The following SIPA1L2 variants were observed in gnomAD, a reference collection of about 807,000 sequenced individuals.
The protein encoded by SIPA1L2 is signal-induced proliferation-associated 1-like protein 2.
In SIPA1L2, 56 loss-of-function variants were observed where a neutral mutation model predicts 163.9. The ratio of observed to expected loss-of-function variants is 0.34; its 90% CI spans 0.28 to 0.43. SIPA1L2 has a LOEUF of 0.43. Among genes scored for constraint, SIPA1L2 ranks in the 20% least tolerant of loss-of-function variants. SIPA1L2 has a pLI of 1.00. For missense variants in SIPA1L2, 1,974 were observed against 2,193.5 expected, an observed-to-expected ratio of 0.90 and a Z score of 2.00; for synonymous variants, 877 against 865.7, an observed-to-expected ratio of 1.01 and a Z score of -0.23.
At chr1:232,403,768 C>T (rs1400632747) in intron 20 of SIPA1L2, among the ~76,000 whole-genome samples, 197 bp from the exon 21 acceptor site, 1 of 152,204 alleles carries the variant, frequency 6.6e-6, no homozygotes, top group African/African-American at 2.4e-5. Flanking sequence ...TGGCTGTCCT[C>T]CTACTGGGCT....
At chr1:232,462,127 G>A in intron 9 of SIPA1L2, 1 of 1,119,016 alleles carries the variant, frequency 8.9e-7, no homozygotes, top group African/African-American at 1.6e-5. Flanking sequence ...CATGAAAGAA[G>A]AATGGTGGAT....
At chr1:232,402,116 G>A (rs1363108380) in intron 22 of SIPA1L2, among the ~76,000 whole-genome samples, 3 of 152,076 alleles carry the variant, frequency 2.0e-5, no homozygotes, top group Non-Finnish European at 2.9e-5. Flanking sequence ...AAAAATGCTG[G>A]CCCACCATGC....
At position 232,514,210 on chromosome 1, in the gene SIPA1L2, C is replaced by G; in HGVS notation, c.1130G>C (p.Cys377Ser). 3 of 1,614,246 alleles carry G rather than the reference C, an allele frequency of 1.9e-6. No individual in the cohort carries two copies. The highest frequency in any genetic ancestry group is 2.5e-6 in the Non-Finnish European group (3 of 1,180,042). ...CTCCTTGCTCCCTAAAGGGGACTCA[C>G]AGTTGCCTGTCTGGCCCGTAGGCAT... is the stretch of plus-strand genomic sequence containing the variant. ...TQMPTGQTGN[C>S]ESPLGSKEDL... The change falls in exon 3 of 23, where the codon TGT becomes TCT. Residue 377 changes from cysteine to serine, a missense_variant. Physicochemically the swap from Cys to Ser is moderately radical, Grantham distance 112. This residue lies in a region of SIPA1L2 where 607 missense variants were observed against 624.0 expected (regional missense o/e 0.97). Coordinates refer to ENST00000674635, the MANE Select transcript of SIPA1L2 (RefSeq NM_020808.5).
At chr1:232,476,109 A>C (rs1446215300) in intron 7 of SIPA1L2, among the ~76,000 whole-genome samples, 1 of 152,212 alleles carries the variant, frequency 6.6e-6, no homozygotes, top group Non-Finnish European at 1.5e-5. Flanking sequence ...TATTTACATG[A>C]GTCCTTAGCA....
chr1:232,579,322 G>A (rs1660244069), intron 1 of SIPA1L2, among the ~76,000 whole-genome samples: 1 of 152,072 alleles, frequency 6.6e-6, no homozygotes, highest in Non-Finnish European at 1.5e-5. Context: ...GTTTTTGTTT[G>A]TGTTTGTTTT....
chr1:232,464,181 T>C (rs965365526), intron 9 of SIPA1L2, among the ~76,000 whole-genome samples: 1 of 152,224 alleles, frequency 6.6e-6, no homozygotes, highest in African/African-American at 2.4e-5. Flanking sequence ...TTATTTTATA[T>C]GCTCAAACTA....
chr1:232,403,400 A>C, intron 21 of SIPA1L2, 48 bp downstream of exon 21: 1 of 1,590,720 alleles, frequency 6.3e-7, no homozygotes, highest in Non-Finnish European at 8.6e-7. Context: ...ATCTTGGCTA[A>C]TCATGCCTGG....
intron 1 of SIPA1L2, among the ~76,000 whole-genome samples, chr1:232,597,406 G>A (rs570842830): frequency 3.6e-4 from 55 of 151,990 alleles, no homozygotes; most frequent in African/African-American, 1.1e-3. Flanking sequence ...GGCCGGGCGC[G>A]GTGGCTCACA....
intron 2 of SIPA1L2, among the ~76,000 whole-genome samples, chr1:232,557,050 A>T (rs558475853): frequency 6.6e-6 from 1 of 152,288 alleles, no homozygotes; most frequent in African/African-American, 2.4e-5. Context: ...GCAAAAGAGG[A>T]TTAACAAAAA....
chr1:232,408,133 A>G (rs1277165158), intron 19 of SIPA1L2, among the ~76,000 whole-genome samples: 2 of 152,296 alleles, frequency 1.3e-5, no homozygotes, highest in African/African-American at 2.4e-5. Context: ...GACATGTAAG[A>G]AGGACATGTT....
chr1:232,526,567 C>T (rs1225798483), intron 2 of SIPA1L2, among the ~76,000 whole-genome samples: 2 of 152,194 alleles, frequency 1.3e-5, no homozygotes, highest in African/African-American at 4.8e-5. Flanking sequence ...GGCAGTAATG[C>T]TCGCCTGCTG....
chr1:232,419,375 T>C (rs74591364), intron 18 of SIPA1L2, among the ~76,000 whole-genome samples: 1,682 of 152,300 alleles, frequency 0.011, 26 homozygotes, highest in African/African-American at 0.038. Context: ...ATTCTGTTTT[T>C]GTTTTTGTTT....
rs756073297 is a variant in SIPA1L2, at chr1:232,432,507, C to G, written c.4032-36G>C. ...AAACAGACAAAAGCTGCAATACAAT[C>G]TGATTTCAGCAGTGCTGGCACACGG... is the stretch of plus-strand genomic sequence containing the variant. On this transcript the variant is annotated intron_variant, in intron 15 of 22. Transcript: ENST00000674635. 3.2e-6 allele frequency: 5 copies of G among 1,580,674 alleles called. No individual in the cohort carries two copies. The African/African-American group carries it at 6.7e-5, about 21-fold the overall frequency.
At chr1:232,569,049 C>T (rs895549699) in intron 2 of SIPA1L2, among the ~76,000 whole-genome samples, 27 of 152,180 alleles carry the variant, frequency 1.8e-4, no homozygotes, top group African/African-American at 6.3e-4. Flanking sequence ...AGAAATTATT[C>T]GGTAAATATT....
rs1345857033 is a variant in SIPA1L2, at chr1:232,564,234, TCGTGTG to T, written c.-270+9934_-270+9939del. The stretch of plus-strand genomic sequence containing the variant: ...TGAACGACAAAGGTTTTTTTTTTTT[TCGTGTG>T]TGTGTGTGTGTGTGTGTGTGTGTGT... On this transcript the variant is annotated intron_variant, in intron 2 of 22. Transcript: ENST00000674635. 8.8e-5 allele frequency among the ~76,000 whole-genome samples: 4 copies of T among 45,534 alleles called. 1 individual carries two copies. Among genetic ancestry groups the T allele is most frequent in the South Asian group, 2.0e-3 (2 of 1,022 alleles). 29.9% of individuals were successfully genotyped at this position (45,534 alleles called of 152,430 possible). A position where few individuals can be genotyped will look rare whatever the true frequency, so the allele number is the denominator to read the frequency against.
At chr1:232,466,766 G>C (rs1342125883) in intron 8 of SIPA1L2, among the ~76,000 whole-genome samples, 2 of 152,110 alleles carry the variant, frequency 1.3e-5, no homozygotes, top group African/African-American at 4.8e-5. Context: ...ACTCCAGCCT[G>C]GGCGACAAAG....
At chr1:232,557,841 G>A (rs888810971) in intron 2 of SIPA1L2, among the ~76,000 whole-genome samples, 3 of 152,184 alleles carry the variant, frequency 2.0e-5, no homozygotes, top group African/African-American at 4.8e-5. Flanking sequence ...AAACATTGCC[G>A]GCATGTGCTG....
intron 17 of SIPA1L2, 96 bp from the exon 18 acceptor site, chr1:232,425,904 TG>T: frequency 2.8e-6 from 3 of 1,089,682 alleles, no homozygotes; most frequent in Non-Finnish European, 4.0e-6. Flanking sequence ...CATACTATTG[TG>T]ATAGCTTCTT....
intron 9 of SIPA1L2, among the ~76,000 whole-genome samples, chr1:232,461,709 T>G (rs1202393076): frequency 6.6e-6 from 1 of 152,142 alleles, no homozygotes; most frequent in Non-Finnish European, 1.5e-5. Flanking sequence ...AGCTAACGCT[T>G]AAGAGCCCAC....
Sources: allele counts gnomAD v4.1 joint callset (sites outside exome capture counted in the v4.1 genomes callset), GRCh38; gene constraint gnomAD v4.1.1; regional missense constraint gnomAD v4.1.1; transcripts MANE v1.5; gene names NCBI Gene and HGNC (gene_info 2026-07-23, HGNC 2026-07-21).